The following SLC39A9 variants were observed in gnomAD, a reference collection of about 807,000 sequenced individuals.
SLC39A9 encodes the protein solute carrier family 39 member 9, also known as zinc transporter ZIP9.
A neutral mutation model predicts 28.4 loss-of-function variants in SLC39A9; 14 were observed. The observed-to-expected ratio is 0.49, with a 90% CI of 0.33 to 0.77. The LOEUF (loss-of-function observed/expected upper bound fraction) is 0.77. Among genes scored for constraint, SLC39A9 ranks in the 30% least tolerant of loss-of-function variants. The probability of loss-of-function intolerance (pLI) is 0.02; values close to 1 mark genes in which losing one functional copy is unlikely to be tolerated. For missense variants in SLC39A9, 283 were observed against 381.1 expected (o/e 0.74, Z 2.14); for synonymous variants, 119 against 149.6 (o/e 0.80, Z 1.49).
intron 2 of SLC39A9, chr14:69,441,859 G>A: frequency 7.5e-7 from 1 of 1,341,386 alleles, no homozygotes; most frequent in Non-Finnish European, 9.5e-7. Flanking sequence ...CAGTCAGAAG[G>A]TCTGCATGCC....
At chr14:69,404,799 A>T (rs1330552194) in intron 1 of SLC39A9, among the ~76,000 whole-genome samples, 1 of 151,890 alleles carries the variant, frequency 6.6e-6, no homozygotes, top group Non-Finnish European at 1.5e-5. Context: ...TCTTCATTAT[A>T]CTTACTCTCA....
In SLC39A9 at chr14:69,459,999, A is replaced by C; in HGVS notation, c.*1406A>C. On this transcript the variant is annotated 3_prime_UTR_variant, in exon 7 of 7. Coordinates refer to ENST00000336643, the MANE Select transcript of SLC39A9 (RefSeq NM_018375.5). Reference sequence around the variant, plus strand: ...GACACAATCACTAATCTGGTAATTTAAACAATTGAGATAGCAAAAGTGTTT... The same window carrying C: ...GACACAATCACTAATCTGGTAATTTCAACAATTGAGATAGCAAAAGTGTTT... 1 of 985,324 alleles carries C rather than the reference A, an allele frequency of 1.0e-6. No homozygotes were observed. The highest frequency in any genetic ancestry group is 1.2e-6 in the Non-Finnish European group (1 of 829,420). 61.0% of individuals were successfully genotyped at this position (985,324 alleles called of 1,614,324 possible). A position where few individuals can be genotyped will look rare whatever the true frequency, so the allele number is the denominator to read the frequency against.
rs1291883813 is a variant in SLC39A9, at chr14:69,462,196, A to G, written c.*3603A>G. 6.5e-6 allele frequency: 1 copy of G among 153,088 alleles called. No individual in the cohort carries two copies. Among genetic ancestry groups the G allele is most frequent in the African/African-American group, 2.4e-5 (1 of 41,466 alleles). 9.5% of individuals were successfully genotyped at this position (153,088 alleles called of 1,614,324 possible). ...CATCTTCCAGCAAGTTAGAAGTCTCATGGGATAAGACTGCAGTTCCCCTGG... is the reference window on the plus strand; with the variant it reads ...CATCTTCCAGCAAGTTAGAAGTCTCGTGGGATAAGACTGCAGTTCCCCTGG... On this transcript the variant is annotated 3_prime_UTR_variant, in exon 7 of 7. Coordinates refer to ENST00000336643, the MANE Select transcript of SLC39A9 (RefSeq NM_018375.5).
chr14:69,421,158 T>C (rs1356385490), intron 1 of SLC39A9, among the ~76,000 whole-genome samples: 2 of 152,258 alleles, frequency 1.3e-5, no homozygotes, highest in African/African-American at 4.8e-5. Context: ...TTGATGATGG[T>C]CACCTACAGA....
At chr14:69,412,301 A>G (rs1166334858) in intron 1 of SLC39A9, among the ~76,000 whole-genome samples, 2 of 151,698 alleles carry the variant, frequency 1.3e-5, no homozygotes, top group Admixed American at 6.6e-5. Flanking sequence ...AGGCAGGAGA[A>G]TGGCATGAAC....
At chr14:69,454,617 A>G (rs536791147) in intron 4 of SLC39A9, 195 bp from the exon 5 acceptor site, 49 of 462,146 alleles carry the variant, frequency 1.1e-4, no homozygotes, top group Non-Finnish European at 1.7e-4. Context: ...AAGTTATCTC[A>G]TTTAATCCTC....
chr14:69,455,014 C>A, intron 5 of SLC39A9, 117 bp downstream of exon 5: 1 of 725,744 alleles, frequency 1.4e-6, no homozygotes, highest in Non-Finnish European at 2.3e-6. Context: ...AATTGCTATT[C>A]ATTTTGGAAA....
chr14:69,399,748 G>A (rs1882518496), intron 1 of SLC39A9, among the ~76,000 whole-genome samples: 1 of 152,162 alleles, frequency 6.6e-6, no homozygotes, highest in Admixed American at 6.6e-5. Flanking sequence ...CATTTACCTG[G>A]AGAGAGGCAC....
Position 69,461,548 on chromosome 14 carries a change from C to A in SLC39A9, c.*2955C>A. 2 of 1,472,410 alleles carry A rather than the reference C, an allele frequency of 1.4e-6. No individual in the cohort carries two copies. Among genetic ancestry groups the A allele is most frequent in the South Asian group, 1.4e-5 (1 of 71,884 alleles). The allele number at this position is 1,472,410 out of a possible 1,614,324, so 91.2% of individuals were successfully genotyped here. A position where few individuals can be genotyped will look rare whatever the true frequency, so the allele number is the denominator to read the frequency against. ...CCCAATTCAAAACAGCCAAGTGAGC[C>A]CTGTTCTGGTATTTTGAATCATTAG... On this transcript the variant is annotated 3_prime_UTR_variant, in exon 7 of 7. Transcript: ENST00000336643.
rs376365881 is a variant in SLC39A9, at chr14:69,410,359, T to C, written c.96+10894T>C. ...TCTTGCAGTGGAGGTGCTTAGAAGCTTTTTTTTGCATGCTACTGATGATGT... is the reference window on the plus strand; with the variant it reads ...TCTTGCAGTGGAGGTGCTTAGAAGCCTTTTTTTGCATGCTACTGATGATGT... On this transcript the variant is annotated intron_variant, in intron 1 of 6. Transcript: ENST00000336643. Among the ~76,000 whole-genome samples, 35 of 148,118 alleles carry C rather than the reference T, an allele frequency of 2.4e-4. No homozygotes were observed. The East Asian group carries it at 5.4e-3, about 23-fold the overall frequency.
chr14:69,440,546 C>T (rs1357516968), intron 2 of SLC39A9, among the ~76,000 whole-genome samples: 2 of 152,064 alleles, frequency 1.3e-5, no homozygotes, highest in Non-Finnish European at 2.9e-5. Flanking sequence ...GATTGCACCA[C>T]TGTAGTCTAG....
intron 1 of SLC39A9, among the ~76,000 whole-genome samples, chr14:69,401,373 C>T (rs1882624653): frequency 6.6e-6 from 1 of 152,104 alleles, no homozygotes. Context: ...TTGACATAAC[C>T]ATATTTTCTT....
chr14:69,437,884 TAACTTAAC>T (rs1303151295), intron 2 of SLC39A9, among the ~76,000 whole-genome samples: 1 of 152,124 alleles, frequency 6.6e-6, no homozygotes, highest in Non-Finnish European at 1.5e-5. Context: ...ATCTGTGAAG[TAACTTAAC>T]CATGATATTA....
chr14:69,424,482 A>T (rs1462744471), intron 2 of SLC39A9, among the ~76,000 whole-genome samples: 1 of 152,078 alleles, frequency 6.6e-6, no homozygotes, highest in African/African-American at 2.4e-5. Context: ...GCTTACTCAA[A>T]CACTTCCCAA....
intron 2 of SLC39A9, among the ~76,000 whole-genome samples, chr14:69,425,725 T>C (rs755391209): frequency 3.9e-5 from 6 of 152,128 alleles, no homozygotes; most frequent in Non-Finnish European, 7.4e-5. Flanking sequence ...TATAGTCCAG[T>C]TTTGCCATCA....
chr14:69,413,000 T>C (rs1883356106), intron 1 of SLC39A9, among the ~76,000 whole-genome samples: 1 of 152,206 alleles, frequency 6.6e-6, no homozygotes, highest in South Asian at 2.1e-4. Context: ...TATAATTTCA[T>C]GTTTGCACTT....
At chr14:69,425,233 G>A (rs1046615777) in intron 2 of SLC39A9, among the ~76,000 whole-genome samples, 8 of 152,182 alleles carry the variant, frequency 5.3e-5, no homozygotes, top group African/African-American at 9.7e-5. Flanking sequence ...CTGATTTAAT[G>A]TGTACATTAT....
At chr14:69,418,619 C>T (rs188189593) in intron 1 of SLC39A9, among the ~76,000 whole-genome samples, 32 of 152,060 alleles carry the variant, frequency 2.1e-4, no homozygotes, top group African/African-American at 6.0e-4. Flanking sequence ...AGAATTCGGC[C>T]GTGAATCTGT....
At chr14:69,451,925 A>G (rs886409694) in intron 3 of SLC39A9, among the ~76,000 whole-genome samples, 1 of 152,148 alleles carries the variant, frequency 6.6e-6, no homozygotes, top group Non-Finnish European at 1.5e-5. Context: ...GATGTTGCCC[A>G]GGCTGGTCTC....
Sources: gnomAD v4.1 joint callset for allele counts (sites outside exome capture counted in the v4.1 genomes callset) on GRCh38, gnomAD v4.1.1 for gene constraint, MANE v1.5 for transcripts, NCBI Gene and HGNC (gene_info 2026-07-23, HGNC 2026-07-21) for gene names.